The following SLC14A2 variants were observed in gnomAD, a reference collection of about 807,000 sequenced individuals.
The protein encoded by SLC14A2 is solute carrier family 14 member 2.
In SLC14A2, 91 loss-of-function variants were observed where a neutral mutation model predicts 104.6. The ratio of observed to expected loss-of-function variants is 0.87; its 90% CI spans 0.73 to 1.04. SLC14A2 has a LOEUF of 1.04. Among genes scored for constraint, SLC14A2 ranks in the 50% least tolerant of loss-of-function variants. The pLI, the probability that SLC14A2 is intolerant of heterozygous loss-of-function variation, is 0.00. For synonymous variants in SLC14A2, 476 were observed against 466.4 expected (o/e 1.02, Z -0.27); for missense variants, 1,189 against 1,156.0 (o/e 1.03, Z -0.41).
chr18:45,471,202 A>G (rs2087242045), intron 1 of SLC14A2, among the ~76,000 whole-genome samples: 1 of 152,104 alleles, frequency 6.6e-6, no homozygotes, highest in African/African-American at 2.4e-5. Flanking sequence ...ACTGTTTCTT[A>G]TTTGTTCTTA....
chr18:45,416,250 CTT>C (rs574818783), intron 1 of SLC14A2, among the ~76,000 whole-genome samples: 132 of 125,154 alleles, frequency 1.1e-3, no homozygotes, highest in Middle Eastern at 8.3e-3. Context: ...TTTTTGTTTC[CTT>C]TTTTTTTTTT....
intron 1 of SLC14A2, among the ~76,000 whole-genome samples, chr18:45,315,351 A>T (rs1233528269): frequency 6.6e-6 from 1 of 152,190 alleles, no homozygotes; most frequent in East Asian, 1.9e-4. Context: ...ACACTCTAGC[A>T]TGGGGAAGAT....
intron 2 of SLC14A2, among the ~76,000 whole-genome samples, chr18:45,559,301 T>C (rs1445717161): frequency 6.6e-6 from 1 of 152,108 alleles, no homozygotes; most frequent in African/African-American, 2.4e-5. Context: ...GTGGTGAAGA[T>C]CAAGAATTGT....
chr18:45,323,028 C>A (rs1262803210), intron 1 of SLC14A2, among the ~76,000 whole-genome samples: 1 of 152,094 alleles, frequency 6.6e-6, no homozygotes, highest in Non-Finnish European at 1.5e-5. Flanking sequence ...AAAAACAAAA[C>A]AAACAAAAAT....
chr18:45,676,642 TGTTA>T lies in SLC14A2; in HGVS notation c.2513-2332_2513-2329del, dbSNP rs142027374. Among the ~76,000 whole-genome samples, 1,287 of 152,298 alleles carry T rather than the reference TGTTA, an allele frequency of 8.5e-3. 21 individuals are homozygous for T. The highest frequency in any genetic ancestry group is 0.027 in the African/African-American group (1,131 of 41,550). The stretch of plus-strand genomic sequence containing the variant: ...TCTAATGGGTAAAATCCAGAGACGC[TGTTA>T]AACACCCTACAATACACAGGACGGC... On this transcript the variant is annotated intron_variant, in intron 18 of 19. Transcript: ENST00000255226.
chr18:45,305,986 T>A (rs1599660703), intron 1 of SLC14A2, among the ~76,000 whole-genome samples: 2 of 152,360 alleles, frequency 1.3e-5, no homozygotes, highest in South Asian at 2.1e-4. Flanking sequence ...CTTGCAGTAA[T>A]GCATATTTAA....
intron 2 of SLC14A2, among the ~76,000 whole-genome samples, chr18:45,536,944 A>G (rs2043796181): frequency 6.6e-6 from 1 of 151,776 alleles, no homozygotes; most frequent in South Asian, 2.1e-4. Context: ...TGGTCTAGCC[A>G]GGAGAACTGC....
intron 1 of SLC14A2, among the ~76,000 whole-genome samples, chr18:45,293,785 T>C (rs1449118988): frequency 6.6e-6 from 1 of 152,198 alleles, no homozygotes; most frequent in Non-Finnish European, 1.5e-5. Flanking sequence ...GTTCTACCTA[T>C]TAACATTTGC....
chr18:45,485,267 A>T (rs2087579317), intron 2 of SLC14A2: 1 of 152,228 alleles, frequency 6.6e-6, no homozygotes, highest in South Asian at 2.1e-4. Context: ...GTATTACTAC[A>T]CTAAATGTAA....
chr18:45,343,367 G>A (rs115351172), intron 1 of SLC14A2, among the ~76,000 whole-genome samples: 66 of 152,092 alleles, frequency 4.3e-4, no homozygotes, highest in African/African-American at 1.4e-3. Context: ...ATGCTAGGGC[G>A]TCGGGGTGCT....
chr18:45,307,533 G>A (rs2085036547), intron 1 of SLC14A2, among the ~76,000 whole-genome samples: 1 of 151,966 alleles, frequency 6.6e-6, no homozygotes, highest in Non-Finnish European at 1.5e-5. Flanking sequence ...GTGGAGTGGA[G>A]AACATATATC....
intron 2 of SLC14A2, among the ~76,000 whole-genome samples, chr18:45,540,005 T>G (rs2043861309): frequency 6.6e-6 from 1 of 152,152 alleles, no homozygotes; most frequent in African/African-American, 2.4e-5. Context: ...AATAGGCAAC[T>G]CGTAAAATTT....
intron 1 of SLC14A2, among the ~76,000 whole-genome samples, chr18:45,361,318 C>CT (rs767354504): frequency 1.3e-5 from 2 of 152,162 alleles, no homozygotes; most frequent in Non-Finnish European, 2.9e-5. Context: ...GGGTGGCCTT[C>CT]TGCTAAAGGA....
chr18:45,588,983 G>C (rs1246962446), intron 2 of SLC14A2, among the ~76,000 whole-genome samples: 1 of 141,424 alleles, frequency 7.1e-6, no homozygotes. Flanking sequence ...GTGGGGGGGG[G>C]TGTTAAATGT....
At chr18:45,305,384 G>A (rs1049451946) in intron 1 of SLC14A2, among the ~76,000 whole-genome samples, 1 of 152,192 alleles carries the variant, frequency 6.6e-6, no homozygotes, top group Admixed American at 6.5e-5. Flanking sequence ...GATGTGCACT[G>A]GGATGCCATC....
At chr18:45,212,401 C>G (rs1218430085), upstream of SLC14A2, among the ~76,000 whole-genome samples, 1 of 152,132 alleles carries the variant, frequency 6.6e-6, no homozygotes, top group East Asian at 1.9e-4. Flanking sequence ...TGGACAAGTT[C>G]CTTAACCTAT....
intron 1 of SLC14A2, among the ~76,000 whole-genome samples, chr18:45,619,288 G>A (rs769856434): frequency 4.6e-5 from 7 of 152,238 alleles, no homozygotes; most frequent in Non-Finnish European, 8.8e-5. Flanking sequence ...TCTCTGCACC[G>A]CCCTCTTGCC....
intron 2 of SLC14A2, among the ~76,000 whole-genome samples, chr18:45,510,178 T>C (rs1038648934): frequency 2.6e-5 from 4 of 152,206 alleles, no homozygotes; most frequent in African/African-American, 9.6e-5. Flanking sequence ...TTGGATGGCT[T>C]CTTACAGGTG....
chr18:45,469,506 G>T (rs1275660679), intron 1 of SLC14A2, among the ~76,000 whole-genome samples: 2 of 152,144 alleles, frequency 1.3e-5, no homozygotes, highest in African/African-American at 4.8e-5. Context: ...GGAACAACTG[G>T]CAGGCCTTTG....
Sources: allele counts gnomAD v4.1 joint callset (sites outside exome capture counted in the v4.1 genomes callset), GRCh38; gene constraint gnomAD v4.1.1; transcripts MANE v1.5; gene names NCBI Gene and HGNC (gene_info 2026-07-23, HGNC 2026-07-21).